FAT3: variants seen among roughly 807,000 people sequenced by gnomAD.
The protein encoded by FAT3 is FAT atypical cadherin 3.
Under a neutral mutation model 310.2 loss-of-function variants are expected in FAT3, and 95 were observed. The observed-to-expected ratio is 0.31, with a 90% CI of 0.26 to 0.36. The LOEUF (loss-of-function observed/expected upper bound fraction) is 0.36. FAT3 is among the 10% of genes least tolerant of loss of function. The pLI, the probability that FAT3 is intolerant of heterozygous loss-of-function variation, is 1.00. For synonymous variants in FAT3, 2,314 were observed against 2,192.9 expected, an observed-to-expected ratio of 1.06 and a Z score of -1.54; for missense variants, 5,408 against 5,715.6, an observed-to-expected ratio of 0.95 and a Z score of 1.74.
At chr11:92,541,441 A>G (rs995961822) in intron 3 of FAT3, among the ~76,000 whole-genome samples, 3 of 152,162 alleles carry the variant, frequency 2.0e-5, no homozygotes, top group African/African-American at 7.2e-5. Flanking sequence ...TGACATTTGA[A>G]CTGTTTTCAA....
chr11:92,679,315 C>T (rs1345610093), intron 3 of FAT3, among the ~76,000 whole-genome samples: 1 of 151,234 alleles, frequency 6.6e-6, no homozygotes, highest in Non-Finnish European at 1.5e-5. Flanking sequence ...TGGAAGATAA[C>T]CAGTAGTGGG....
chr11:92,714,981 A>G (rs1165614667), intron 4 of FAT3, among the ~76,000 whole-genome samples: 1 of 152,136 alleles, frequency 6.6e-6, no homozygotes, highest in African/African-American at 2.4e-5. Flanking sequence ...ACTTTTTAAA[A>G]CATTCCAGTA....
At chr11:92,889,335 C>CA in intron 26 of FAT3, 87 bp downstream of exon 26, 1 of 566,940 alleles carries the variant, frequency 1.8e-6, no homozygotes, top group Non-Finnish European at 3.2e-6. Context: ...GGATTGGCCA[C>CA]AGAGGGGGCA....
intron 2 of FAT3, among the ~76,000 whole-genome samples, chr11:92,373,322 G>A (rs755266267): frequency 2.0e-5 from 3 of 152,030 alleles, no homozygotes; most frequent in Non-Finnish European, 4.4e-5. Flanking sequence ...CAGATTTGTG[G>A]GCATGGGAAC....
At chr11:92,889,789 G>A in intron 26 of FAT3, 67 bp from the exon 27 acceptor site, 1 of 715,754 alleles carries the variant, frequency 1.4e-6, no homozygotes, top group Admixed American at 2.0e-5. Flanking sequence ...CATCTCAAAT[G>A]TTCTGTTTTA....
intron 1 of FAT3, among the ~76,000 whole-genome samples, chr11:92,261,979 T>TTTAC (rs1445044477): frequency 2.0e-5 from 3 of 152,062 alleles, no homozygotes; most frequent in Admixed American, 2.0e-4. Flanking sequence ...TTTATACATA[T>TTTAC]TTACTCTCTC....
intron 2 of FAT3, among the ~76,000 whole-genome samples, chr11:92,488,244 T>C (rs1334930354): frequency 6.6e-6 from 1 of 152,010 alleles, no homozygotes; most frequent in Non-Finnish European, 1.5e-5. Flanking sequence ...AATAAGCTTG[T>C]AAGTGATTCT....
chr11:92,293,555 T>TATAA (rs1565206870), intron 1 of FAT3, among the ~76,000 whole-genome samples: 3 of 127,574 alleles, frequency 2.4e-5, no homozygotes, highest in African/African-American at 8.6e-5. Context: ...TATATATAAA[T>TATAA]AAAATATATT....
At chr11:92,754,709 A>C (rs938612139) in intron 4 of FAT3, among the ~76,000 whole-genome samples, 1 of 149,894 alleles carries the variant, frequency 6.7e-6, no homozygotes, top group Non-Finnish European at 1.5e-5. Context: ...ACAAAAAAAA[A>C]AAAAAAAAAT....
At chr11:92,254,853 C>A (rs905592665) in intron 1 of FAT3, among the ~76,000 whole-genome samples, 1 of 152,016 alleles carries the variant, frequency 6.6e-6, no homozygotes, top group African/African-American at 2.4e-5. Context: ...CTACAGGCAC[C>A]TGCCACCATG....
intron 3 of FAT3, among the ~76,000 whole-genome samples, chr11:92,544,151 G>A (rs927388456): frequency 6.6e-6 from 1 of 152,166 alleles, no homozygotes; most frequent in African/African-American, 2.4e-5. Context: ...GGGGCATATA[G>A]TACCCAGTTA....
At chr11:92,640,630 T>G (rs959675866) in intron 3 of FAT3, among the ~76,000 whole-genome samples, 1 of 152,224 alleles carries the variant, frequency 6.6e-6, no homozygotes, top group African/African-American at 2.4e-5. Flanking sequence ...GATAGTCCTT[T>G]AAATATTGAG....
At chr11:92,333,361 G>C (rs542623030) in intron 1 of FAT3, among the ~76,000 whole-genome samples, 2 of 152,088 alleles carry the variant, frequency 1.3e-5, no homozygotes, top group South Asian at 2.1e-4. Context: ...AGTCATATTA[G>C]TAATTTAATT....
intron 3 of FAT3, among the ~76,000 whole-genome samples, chr11:92,595,008 TG>T (rs1301704171): frequency 1.3e-5 from 2 of 151,890 alleles, no homozygotes; most frequent in Admixed American, 1.3e-4. Context: ...TGTGTGTGTG[TG>T]TGTGTGTGTG....
At chr11:92,517,261 A>G (rs1362940922) in intron 2 of FAT3, among the ~76,000 whole-genome samples, 2 of 152,206 alleles carry the variant, frequency 1.3e-5, no homozygotes, top group Non-Finnish European at 1.5e-5. Flanking sequence ...CCAAAACAGC[A>G]TGGTACTGAT....
chr11:92,709,217 A>C (rs1403044425), intron 4 of FAT3, among the ~76,000 whole-genome samples: 1 of 152,238 alleles, frequency 6.6e-6, no homozygotes, highest in African/African-American at 2.4e-5. Flanking sequence ...TTATTTGTTA[A>C]TGCAGTCAAT....
At chr11:92,701,596 A>T (rs986130274) in intron 4 of FAT3, among the ~76,000 whole-genome samples, 1 of 152,230 alleles carries the variant, frequency 6.6e-6, no homozygotes, top group African/African-American at 2.4e-5. Flanking sequence ...CTACCATAAA[A>T]TGCAAAAATG....
At chr11:92,604,404 G>A (rs1436685880) in intron 3 of FAT3, among the ~76,000 whole-genome samples, 3 of 152,154 alleles carry the variant, frequency 2.0e-5, no homozygotes, top group African/African-American at 7.2e-5. Flanking sequence ...TGTGAATTGT[G>A]AAGAAATAAA....
chr11:92,349,670 T>G (rs893206422), intron 1 of FAT3, among the ~76,000 whole-genome samples: 5 of 152,206 alleles, frequency 3.3e-5, no homozygotes, highest in African/African-American at 1.2e-4. Flanking sequence ...GTCCCTGCCC[T>G]AGTTACCAGA....
Sources: allele counts gnomAD v4.1 joint callset (sites outside exome capture counted in the v4.1 genomes callset), GRCh38; gene constraint gnomAD v4.1.1; transcripts MANE v1.5; gene names NCBI Gene and HGNC (gene_info 2026-07-23, HGNC 2026-07-21).